DMXL1: variants seen among roughly 807,000 people sequenced by gnomAD.
The protein encoded by DMXL1 is Dmx like 1, also known as dmX-like protein 1.
A neutral mutation model predicts 319.2 loss-of-function variants in DMXL1; 99 were observed. The ratio of observed to expected loss-of-function variants is 0.31; its 90% CI spans 0.26 to 0.37. DMXL1 has a LOEUF of 0.37. Ranked by LOEUF, DMXL1 falls within the 10% of genes least tolerant of loss-of-function variation. The pLI is 1.00. For missense variants in DMXL1, 3,745 were observed against 3,595.6 expected (o/e 1.04, Z -1.06); for synonymous variants, 1,385 against 1,235.2 (o/e 1.12, Z -2.54).
intron 1 of DMXL1, among the ~76,000 whole-genome samples, chr5:119,084,239 A>G (rs868634073): frequency 7.3e-5 from 11 of 151,156 alleles, no homozygotes; most frequent in African/African-American, 2.4e-4. Context: ...TCCTGCCTCA[A>G]CCTCCAGGTA....
intron 10 of DMXL1, among the ~76,000 whole-genome samples, chr5:119,129,984 G>T (rs144873227): frequency 6.6e-6 from 1 of 152,322 alleles, no homozygotes; most frequent in Non-Finnish European, 1.5e-5. Context: ...CAGGGCCCGT[G>T]TAGTTCCTGA....
intron 1 of DMXL1, chr5:119,081,774 G>T: frequency 1.1e-6 from 1 of 952,046 alleles, no homozygotes; most frequent in Non-Finnish European, 1.3e-6. Context: ...GTTCTTACGT[G>T]TATTTGAAGG....
chr5:119,198,576 C>T (rs1780080931), intron 32 of DMXL1, among the ~76,000 whole-genome samples: 1 of 152,126 alleles, frequency 6.6e-6, no homozygotes, highest in Non-Finnish European at 1.5e-5. Flanking sequence ...TCAACAGATT[C>T]AGCACAATTC....
chr5:119,074,179 A>C (rs533852089), intron 1 of DMXL1, among the ~76,000 whole-genome samples: 62 of 152,304 alleles, frequency 4.1e-4, no homozygotes, highest in African/African-American at 1.2e-3. Context: ...TTGGCCTCCC[A>C]AAGTGCTGGG....
intron 32 of DMXL1, among the ~76,000 whole-genome samples, chr5:119,202,573 A>G (rs924479429): frequency 2.0e-5 from 3 of 151,950 alleles, no homozygotes; most frequent in Non-Finnish European, 4.4e-5. Context: ...TTAAAAATAT[A>G]ATTTCTCACC....
At chr5:119,199,315 A>G (rs189259582) in intron 32 of DMXL1, among the ~76,000 whole-genome samples, 2 of 152,318 alleles carry the variant, frequency 1.3e-5, no homozygotes, top group East Asian at 3.9e-4. Flanking sequence ...AAGTGAGAAC[A>G]TACAGTGTTT....
At position 119,129,238 on chromosome 5, in the gene DMXL1, C is replaced by T. The variant is rs1764277327; in HGVS notation, c.1130C>T (p.Ser377Phe). Residue 377 changes from serine (S) to phenylalanine (F), a missense_variant, in exon 10 of 44, where the codon TCT becomes TTT. Physicochemically the swap from Ser to Phe is radical, Grantham distance 155 (BLOSUM62 -2). Transcript: ENST00000539542. ...TDIPLLPSITSLSLNENEEKT... is the reference protein window; with the variant it reads ...TDIPLLPSITFLSLNENEEKT... ...ATTCCACTTCTTCCATCTATTACATCTCTGAGTCTAAATGAAAATGAAGAG... is the reference window on the plus strand; with the variant it reads ...ATTCCACTTCTTCCATCTATTACATTTCTGAGTCTAAATGAAAATGAAGAG... The T allele has an allele frequency of 6.2e-7, 1 of 1,612,432 alleles. No homozygotes were observed. The highest frequency in any genetic ancestry group is 8.5e-7 in the Non-Finnish European group (1 of 1,178,978).
chr5:119,171,233 G>C lies in DMXL1; in HGVS notation c.6442G>C (p.Ala2148Pro). Residue 2148 changes from alanine (A) to proline (P), a missense_variant, in exon 24 of 44, where the codon GCA becomes CCA. By Grantham distance (27) the Ala-to-Pro change is conservative (BLOSUM62 -1). Coordinates refer to ENST00000539542, the MANE Select transcript of DMXL1 (RefSeq NM_001290321.3). ...TCATGGATCCCATGGTGGGGGTCTT[G>C]CATCTGTAAGAATGGAATTGATTTT... The part of the protein sequence containing the change: ...ILHGSHGGGL[A>P]SVRMELILLL... 1 of 1,609,558 alleles carries C rather than the reference G, an allele frequency of 6.2e-7. No individual in the cohort carries two copies. Among genetic ancestry groups the C allele is most frequent in the Non-Finnish European group, 8.5e-7 (1 of 1,177,344 alleles).
Position 119,083,666 on chromosome 5 carries a change from G to T in DMXL1, c.87+12010G>T, listed in dbSNP as rs1294223276. 2.6e-5 allele frequency among the ~76,000 whole-genome samples: 4 copies of T among 151,744 alleles called. No individual in the cohort carries two copies. In the South Asian group the frequency reaches 8.3e-4, roughly 32 times the overall value. On this transcript the variant is annotated intron_variant, in intron 1 of 43. Coordinates refer to ENST00000539542, the MANE Select transcript of DMXL1 (RefSeq NM_001290321.3). Reference sequence around the variant, plus strand: ...AAGCGATTCTCCTGCCTCTGCCTCGGAGTAGCTGGGATTACAGGTGTGTGC... The same window carrying T: ...AAGCGATTCTCCTGCCTCTGCCTCGTAGTAGCTGGGATTACAGGTGTGTGC...
At chr5:119,233,201 C>A in intron 38 of DMXL1, 139 bp from the exon 39 acceptor site, 1 of 831,420 alleles carries the variant, frequency 1.2e-6, no homozygotes, top group Non-Finnish European at 1.8e-6. Context: ...TAGTATTCAA[C>A]TGAAATTTCA....
At chr5:119,122,722 C>T (rs1393120744) in intron 9 of DMXL1, among the ~76,000 whole-genome samples, 51 of 151,210 alleles carry the variant, frequency 3.4e-4, no homozygotes, top group African/African-American at 1.2e-3. Context: ...GGGGCAGAGA[C>T]GCTCCTCACT....
At position 119,149,790 on chromosome 5, in the gene DMXL1, T is replaced by A; in HGVS notation, c.3963T>A (p.Thr1321=). The A allele has an allele frequency of 6.2e-7, 1 of 1,614,010 alleles. No homozygotes were observed. Among genetic ancestry groups the A allele is most frequent in the Non-Finnish European group, 8.5e-7 (1 of 1,179,928 alleles). ...LFEAAHVLSP[T]LPQYHPLQLL... ...AAGCAGCTCATGTACTTTCCCCGAC[T>A]CTACCTCAGTATCATCCCTTGCAGC... The change falls in exon 18 of 44, where the codon ACT becomes ACA. Residue 1321 remains threonine, a synonymous_variant. Transcript: ENST00000539542.
intron 1 of DMXL1, among the ~76,000 whole-genome samples, chr5:119,083,209 T>C (rs1382810428): frequency 6.6e-6 from 1 of 152,138 alleles, no homozygotes; most frequent in Non-Finnish European, 1.5e-5. Context: ...TATTTTTTAG[T>C]AGAGATGGGT....
At chr5:119,215,170 G>T (rs1420137188) in intron 34 of DMXL1, among the ~76,000 whole-genome samples, 1 of 152,144 alleles carries the variant, frequency 6.6e-6, no homozygotes, top group African/African-American at 2.4e-5. Flanking sequence ...TCCTAAGCAA[G>T]TTATACTTTA....
intron 33 of DMXL1, 41 bp from the exon 34 acceptor site, chr5:119,206,793 A>G (rs1477675401): frequency 1.6e-6 from 2 of 1,278,134 alleles, no homozygotes; most frequent in East Asian, 2.6e-5. Context: ...GTTACATCTC[A>G]TCTTTACTCT....
At chr5:119,246,946 T>G (rs1360327237) in intron 43 of DMXL1, 49 bp from the exon 44 acceptor site, 1 of 1,419,352 alleles carries the variant, frequency 7.0e-7, no homozygotes, top group Non-Finnish European at 9.7e-7. Context: ...TTTGATTTCT[T>G]AAGGTCATCA....
chr5:119,097,523 C>G (rs190187405), intron 1 of DMXL1, among the ~76,000 whole-genome samples: 2 of 152,114 alleles, frequency 1.3e-5, no homozygotes, highest in African/African-American at 4.8e-5. Flanking sequence ...CAAGACCATC[C>G]TGGCTAACAC....
intron 28 of DMXL1, among the ~76,000 whole-genome samples, chr5:119,184,996 C>T (rs1325977149): frequency 1.3e-5 from 2 of 152,166 alleles, no homozygotes; most frequent in Non-Finnish European, 2.9e-5. Flanking sequence ...ATCCATAAAA[C>T]ATGCTTGACC....
At chr5:119,094,072 C>G (rs1447380617) in intron 1 of DMXL1, among the ~76,000 whole-genome samples, 1 of 152,160 alleles carries the variant, frequency 6.6e-6, no homozygotes, top group Non-Finnish European at 1.5e-5. Flanking sequence ...GGCATGTTAT[C>G]CAGAAGATCT....
Sources: gnomAD v4.1 joint callset for allele counts (sites outside exome capture counted in the v4.1 genomes callset) on GRCh38, gnomAD v4.1.1 for gene constraint, MANE v1.5 for transcripts, NCBI Gene and HGNC (gene_info 2026-07-23, HGNC 2026-07-21) for gene names.